The following OXR1 variants were observed in gnomAD, a reference collection of about 807,000 sequenced individuals.
The protein encoded by OXR1 is oxidation resistance 1, also known as oxidation resistance protein 1.
OXR1 carries 41 observed loss-of-function variants against 104.6 expected under a neutral mutation model. The observed-to-expected ratio is 0.39, with a 90% CI of 0.31 to 0.51. OXR1 has a LOEUF of 0.51. Among genes scored for constraint, OXR1 ranks in the 20% least tolerant of loss-of-function variants. The pLI is 0.77. For synonymous variants in OXR1, 348 were observed against 348.4 expected, an observed-to-expected ratio of 1.00 and a Z score of 0.01; for missense variants, 955 against 1,031.9, an observed-to-expected ratio of 0.93 and a Z score of 1.02.
At chr8:106,631,748 C>A (rs1413169103) in intron 3 of OXR1, among the ~76,000 whole-genome samples, 1 of 152,056 alleles carries the variant, frequency 6.6e-6, no homozygotes, top group African/African-American at 2.4e-5. Context: ...TCATAATCAG[C>A]CTACTAAGAA....
At chr8:106,365,831 A>G (rs956240562) in intron 2 of OXR1, among the ~76,000 whole-genome samples, 7 of 152,212 alleles carry the variant, frequency 4.6e-5, no homozygotes, top group Non-Finnish European at 8.8e-5. Context: ...GTAAAACACT[A>G]TATTTTAATT....
At chr8:106,516,830 G>T (rs1299552858) in intron 2 of OXR1, among the ~76,000 whole-genome samples, 3 of 151,998 alleles carry the variant, frequency 2.0e-5, no homozygotes, top group Non-Finnish European at 4.4e-5. Context: ...ACAGTATATT[G>T]TTATAGTTGT....
At chr8:106,710,085 C>T (rs535880629) in intron 9 of OXR1, among the ~76,000 whole-genome samples, 1 of 152,246 alleles carries the variant, frequency 6.6e-6, no homozygotes, top group Admixed American at 6.5e-5. Flanking sequence ...AGAGTTAGAA[C>T]TAATTCGTTC....
intron 3 of OXR1, among the ~76,000 whole-genome samples, chr8:106,584,606 A>T (rs1217160295): frequency 6.6e-6 from 1 of 152,156 alleles, no homozygotes; most frequent in Admixed American, 6.5e-5. Context: ...TAAAATTTGA[A>T]TGGTAAATGG....
chr8:106,683,242 A>T lies in OXR1; in HGVS notation c.347A>T (p.Asp116Val). ...DSLNSIALKF[D>V]TTPNELVQLN... ...TTGAATAGCATAGCCCTGAAGTTTG[A>T]TACAACACCTAACGAACTTGTTCAA... Residue 116 changes from aspartate to valine, a missense_variant, in exon 5 of 17, where the codon GAT becomes GTT. Asp to Val is a radical substitution (Grantham distance 152). Around this residue, in one of 2 missense-constraint regions of OXR1, gnomAD observed 849 missense variants for 852.9 expected, o/e 1.00. Transcript: ENST00000517566. 6.2e-7 allele frequency: 1 copy of T among 1,605,904 alleles called. No individual in the cohort carries two copies. The highest frequency in any genetic ancestry group is 8.5e-7 in the Non-Finnish European group (1 of 1,173,066).
rs373142823 is a variant in OXR1, at chr8:106,750,869, G to A, written c.2550G>A (p.Thr850=). ...LYHGRSHSCK[T]FGNRTLSKKE... is the part of the protein sequence containing the mutation. ...ATGGAAGAAGCCATTCTTGTAAAAC[G>A]TTTGGGAATCGTACACTTTCTAAGA... The change falls in exon 17 of 17, where the codon ACG becomes ACA. Residue 850 remains threonine, a synonymous_variant. Transcript: ENST00000517566. 153 of 1,608,676 alleles carry A rather than the reference G, an allele frequency of 9.5e-5. No homozygotes were observed. Among genetic ancestry groups the A allele is most frequent in the Non-Finnish European group, 1.2e-4 (142 of 1,176,306 alleles).
Position 106,365,416 on chromosome 8 carries a change from A to G in OXR1, c.23+5780A>G, listed in dbSNP as rs140838316. On this transcript the variant is annotated intron_variant, in intron 2 of 16. Transcript: ENST00000517566. ...TTTAGGGGAGCATAAATTAAGAGAA[A>G]ATAACCTAGGAAGAGAAAAAAAAAA... 2.6e-3 allele frequency among the ~76,000 whole-genome samples: 395 copies of G among 151,598 alleles called. 1 individual carries two copies. The highest frequency in any genetic ancestry group is 8.9e-3 in the African/African-American group (365 of 41,224).
At chr8:106,327,999 G>T (rs1814544595) in intron 1 of OXR1, among the ~76,000 whole-genome samples, 1 of 152,116 alleles carries the variant, frequency 6.6e-6, no homozygotes, top group Non-Finnish European at 1.5e-5. Flanking sequence ...AAAGGATGTG[G>T]GTTTGATTCC....
At chr8:106,349,800 C>G (rs1425567675) in intron 1 of OXR1, among the ~76,000 whole-genome samples, 1 of 152,058 alleles carries the variant, frequency 6.6e-6, no homozygotes, top group East Asian at 1.9e-4. Flanking sequence ...GGGAATAACA[C>G]GTCAACATCC....
At chr8:106,675,801 T>A (rs533376566) in intron 3 of OXR1, among the ~76,000 whole-genome samples, 1 of 152,298 alleles carries the variant, frequency 6.6e-6, no homozygotes, top group South Asian at 2.1e-4. Context: ...AGAGATTAGG[T>A]CCATTTGCTC....
intron 3 of OXR1, among the ~76,000 whole-genome samples, chr8:106,526,450 A>G (rs1193216061): frequency 6.6e-6 from 1 of 152,250 alleles, no homozygotes; most frequent in Non-Finnish European, 1.5e-5. Flanking sequence ...TCTACCAACA[A>G]TGAATAAGGA....
intron 2 of OXR1, among the ~76,000 whole-genome samples, chr8:106,382,431 C>T (rs1440614747): frequency 7.2e-5 from 11 of 152,236 alleles, no homozygotes. Context: ...AAAGAGAAAT[C>T]GTGGTGTTTC....
intron 11 of OXR1, among the ~76,000 whole-genome samples, chr8:106,733,115 C>T (rs112339102): frequency 2.0e-5 from 3 of 152,264 alleles, no homozygotes; most frequent in African/African-American, 7.2e-5. Flanking sequence ...TGGTCTTGAA[C>T]TCATAGGCTC....
At chr8:106,436,401 A>G (rs1259754154) in intron 2 of OXR1, among the ~76,000 whole-genome samples, 1 of 151,720 alleles carries the variant, frequency 6.6e-6, no homozygotes, top group Non-Finnish European at 1.5e-5. Context: ...TAATCACCTC[A>G]CTCTCTAGCC....
At chr8:106,362,265 G>C (rs1816279672) in intron 2 of OXR1, among the ~76,000 whole-genome samples, 1 of 152,096 alleles carries the variant, frequency 6.6e-6, no homozygotes, top group African/African-American at 2.4e-5. Flanking sequence ...CATCGTATTA[G>C]TTGACCATAT....
At chr8:106,478,944 T>C (rs1436609173) in intron 2 of OXR1, among the ~76,000 whole-genome samples, 1 of 151,888 alleles carries the variant, frequency 6.6e-6, no homozygotes, top group African/African-American at 2.4e-5. Context: ...ATTTAAATAG[T>C]CTATGATAGT....
At chr8:106,381,413 G>A (rs1817144516) in intron 2 of OXR1, among the ~76,000 whole-genome samples, 1 of 152,110 alleles carries the variant, frequency 6.6e-6, no homozygotes, top group Non-Finnish European at 1.5e-5. Context: ...ATTTGAGCAT[G>A]TTTGAAGGAA....
At chr8:106,730,743 A>G (rs1467533285) in intron 11 of OXR1, among the ~76,000 whole-genome samples, 1 of 152,118 alleles carries the variant, frequency 6.6e-6, no homozygotes, top group Non-Finnish European at 1.5e-5. Flanking sequence ...ATACCAAGTA[A>G]CATGATTACT....
intron 9 of OXR1, among the ~76,000 whole-genome samples, chr8:106,708,563 A>G (rs1347876996): frequency 1.3e-5 from 2 of 152,160 alleles, no homozygotes; most frequent in Non-Finnish European, 2.9e-5. Flanking sequence ...ATTTCACTTG[A>G]CATAATGCCT....
Sources: allele counts gnomAD v4.1 joint callset (sites outside exome capture counted in the v4.1 genomes callset), GRCh38; gene constraint gnomAD v4.1.1; regional missense constraint gnomAD v4.1.1; transcripts MANE v1.5; gene names NCBI Gene and HGNC (gene_info 2026-07-23, HGNC 2026-07-21).